DCC: variants seen among roughly 807,000 people sequenced by gnomAD.
The protein encoded by DCC is DCC netrin 1 receptor, also known as netrin receptor DCC.
In DCC, 58 loss-of-function variants were observed where a neutral mutation model predicts 172.5. The observed-to-expected ratio is 0.34, with a 90% CI of 0.27 to 0.42. The LOEUF is 0.42. Among genes scored for constraint, DCC ranks in the 10% least tolerant of loss-of-function variants. The pLI, the probability that DCC is intolerant of heterozygous loss-of-function variation, is 1.00. For synonymous variants in DCC, 709 were observed against 644.5 expected, an observed-to-expected ratio of 1.10 and a Z score of -1.52; for missense variants, 1,740 against 1,791.0, an observed-to-expected ratio of 0.97 and a Z score of 0.51.
At chr18:53,320,214 A>T (rs1457693061) in intron 13 of DCC, among the ~76,000 whole-genome samples, 1 of 151,394 alleles carries the variant, frequency 6.6e-6, no homozygotes, top group Non-Finnish European at 1.5e-5. Flanking sequence ...CTGGGACCAC[A>T]GGCGCCCACC....
In DCC at chr18:53,047,438, T is replaced by TATAC. The variant is rs1336965000; in HGVS notation, c.986-15864_986-15863insCATA. 2.3e-5 allele frequency among the ~76,000 whole-genome samples: 2 copies of TATAC among 87,366 alleles called. 1 individual carries two copies. The highest frequency in any genetic ancestry group is 1.1e-4 in the African/African-American group (2 of 18,166). The allele number at this position is 87,366 out of a possible 152,430, so 57.3% of individuals were successfully genotyped here. On this transcript the variant is annotated intron_variant, in intron 5 of 28. Transcript: ENST00000442544. ...GTATTATATATTTTACATATATATA[T>TATAC]ATATATATATATATATATATATATA... is the stretch of plus-strand genomic sequence containing the variant.
At chr18:53,312,667 G>A (rs2057288731) in intron 13 of DCC, among the ~76,000 whole-genome samples, 1 of 151,174 alleles carries the variant, frequency 6.6e-6, no homozygotes, top group Admixed American at 6.6e-5. Context: ...AAATTAGCCG[G>A]GCGTCGTGGC....
chr18:52,679,233 T>A (rs1162761344), intron 1 of DCC, among the ~76,000 whole-genome samples: 1 of 152,082 alleles, frequency 6.6e-6, no homozygotes, highest in African/African-American at 2.4e-5. Flanking sequence ...CCATCATAAT[T>A]TTCCTGTTAT....
intron 28 of DCC, among the ~76,000 whole-genome samples, chr18:53,529,258 C>T (rs1235514051): frequency 6.6e-6 from 1 of 152,060 alleles, no homozygotes; most frequent in African/African-American, 2.4e-5. Context: ...GCTGGAGTAG[C>T]TTTGTGCCTA....
chr18:52,436,593 CTCTT>C (rs1320240354), intron 1 of DCC, among the ~76,000 whole-genome samples: 1 of 152,124 alleles, frequency 6.6e-6, no homozygotes, highest in Non-Finnish European at 1.5e-5. Context: ...GAATATTCTG[CTCTT>C]TCTTTTACTG....
intron 1 of DCC, among the ~76,000 whole-genome samples, chr18:52,669,149 G>T (rs1432843166): frequency 6.6e-6 from 1 of 152,140 alleles, no homozygotes; most frequent in Non-Finnish European, 1.5e-5. Flanking sequence ...ATGAGAAGTT[G>T]AAGCTGTCCT....
Position 52,777,689 on chromosome 18 carries a change from A to G in DCC, c.412+25315A>G, listed in dbSNP as rs533046104. On this transcript the variant is annotated intron_variant, in intron 2 of 28. Coordinates refer to ENST00000442544, the MANE Select transcript of DCC (RefSeq NM_005215.4). ...TCAGGAAATAATAAAGGAACATTCC[A>G]GAAAGATACCTGTGCAGCTGACCTA... 2.0e-5 allele frequency among the ~76,000 whole-genome samples: 3 copies of G among 152,330 alleles called. No individual in the cohort carries two copies. The South Asian group carries it at 6.2e-4, about 32-fold the overall frequency.
intron 14 of DCC, among the ~76,000 whole-genome samples, chr18:53,331,469 GCTGGTATC>G (rs1280233921): frequency 1.3e-5 from 2 of 152,156 alleles, no homozygotes; most frequent in East Asian, 3.9e-4. Flanking sequence ...AATAGTTGAA[GCTGGTATC>G]CTTAAACTCT....
chr18:53,278,372 G>A (rs765862532), intron 12 of DCC, among the ~76,000 whole-genome samples: 5 of 152,054 alleles, frequency 3.3e-5, no homozygotes, highest in South Asian at 2.1e-4. Context: ...AGGTTTTTGT[G>A]TGTGGTTTCT....
intron 1 of DCC, among the ~76,000 whole-genome samples, chr18:52,359,402 T>A (rs1410887486): frequency 6.6e-6 from 1 of 152,202 alleles, no homozygotes; most frequent in Non-Finnish European, 1.5e-5. Flanking sequence ...AGTAGCAATG[T>A]GCTAGCTCAA....
In DCC at chr18:53,416,300, G is replaced by C. The variant is rs1015595196; in HGVS notation, c.3163+144G>C. ...TGGCGTGACGATTAATCTTGTTAAT[G>C]AAGTTCTGCTTGGCTGAGGCTGCGG... On this transcript the variant is annotated intron_variant, in intron 21 of 28. Transcript: ENST00000442544. 6.9e-6 allele frequency: 5 copies of C among 728,834 alleles called. No homozygotes were observed. The African/African-American group carries it at 8.7e-5, about 13-fold the overall frequency. 45.1% of individuals were successfully genotyped at this position (728,834 alleles called of 1,614,324 possible).
intron 14 of DCC, among the ~76,000 whole-genome samples, chr18:53,329,723 T>G (rs900846113): frequency 1.3e-5 from 2 of 152,074 alleles, no homozygotes; most frequent in Non-Finnish European, 2.9e-5. Flanking sequence ...TTTAAATGAT[T>G]AAGGATTTTC....
At chr18:52,832,057 T>C (rs545130444) in intron 2 of DCC, among the ~76,000 whole-genome samples, 3 of 152,206 alleles carry the variant, frequency 2.0e-5, no homozygotes, top group Non-Finnish European at 4.4e-5. Context: ...TAGTTTAAAC[T>C]TTTTTCAGAC....
intron 5 of DCC, among the ~76,000 whole-genome samples, chr18:52,963,672 A>G (rs143342576): frequency 6.6e-6 from 1 of 152,218 alleles, no homozygotes; most frequent in East Asian, 1.9e-4. Flanking sequence ...AATACCTTGA[A>G]TTCTTAACCG....
At chr18:53,490,616 G>A (rs1045754219) in intron 26 of DCC, among the ~76,000 whole-genome samples, 1 of 152,174 alleles carries the variant, frequency 6.6e-6, no homozygotes, top group Non-Finnish European at 1.5e-5. Flanking sequence ...CAGAGCAGGG[G>A]CACGTCATGG....
chr18:52,477,815 C>T (rs1431670027), intron 1 of DCC, among the ~76,000 whole-genome samples: 2 of 152,096 alleles, frequency 1.3e-5, no homozygotes, highest in African/African-American at 4.8e-5. Flanking sequence ...CTTTCATAAC[C>T]TCCTCTTTCC....
At chr18:53,356,014 A>G (rs1338528556) in intron 15 of DCC, among the ~76,000 whole-genome samples, 1 of 152,106 alleles carries the variant, frequency 6.6e-6, no homozygotes, top group African/African-American at 2.4e-5. Flanking sequence ...ACTGTTCTCA[A>G]CTCAGAACTG....
In DCC at chr18:53,179,101, G is replaced by T; in HGVS notation, c.1558G>T (p.Ala520Ser). The T allele has an allele frequency of 2.5e-6, 4 of 1,613,848 alleles. No individual in the cohort carries two copies. Among genetic ancestry groups the T allele is most frequent in the Non-Finnish European group, 3.4e-6 (4 of 1,179,882 alleles). ...AGAGAGTTCTCAACCCATCAAGGTG[G>T]CCACACAGCCTGAGTGTGAGTATGA... ...PGESSQPIKV[A>S]TQPELQVPGP... Residue 520 changes from alanine to serine, a missense_variant, in exon 9 of 29, where the codon GCC (alanine) becomes TCC (serine). By Grantham distance (99) the Ala-to-Ser change is moderately conservative. This residue lies in a region of DCC where 1,732 missense variants were observed against 1,767.4 expected (regional missense o/e 0.98). Coordinates refer to ENST00000442544, the MANE Select transcript of DCC (RefSeq NM_005215.4).
chr18:53,464,673 A>G (rs1196262457), intron 24 of DCC, among the ~76,000 whole-genome samples: 1 of 151,928 alleles, frequency 6.6e-6, no homozygotes, highest in Non-Finnish European at 1.5e-5. Context: ...AACAATATCA[A>G]AGGACTTATT....
Sources: allele counts gnomAD v4.1 joint callset (sites outside exome capture counted in the v4.1 genomes callset), GRCh38; gene constraint gnomAD v4.1.1; regional missense constraint gnomAD v4.1.1; transcripts MANE v1.5; gene names NCBI Gene and HGNC (gene_info 2026-07-23, HGNC 2026-07-21).